The following SCLT1 variants were observed in gnomAD, a reference collection of about 807,000 sequenced individuals.
SCLT1 encodes sodium channel-associated protein 1.
SCLT1 carries 78 observed loss-of-function variants against 112.8 expected under a neutral mutation model. The ratio of observed to expected loss-of-function variants is 0.69; its 90% CI spans 0.58 to 0.83. The LOEUF (loss-of-function observed/expected upper bound fraction) is 0.83, where lower values mean the gene tolerates loss of function less well. Among genes scored for constraint, SCLT1 ranks in the 40% least tolerant of loss-of-function variants. SCLT1 has a pLI of 0.00. For missense variants in SCLT1, 747 were observed against 770.4 expected (o/e 0.97, Z 0.36); for synonymous variants, 257 against 254.7 (o/e 1.01, Z -0.09).
intron 20 of SCLT1, among the ~76,000 whole-genome samples, chr4:128,887,337 G>A (rs1484536800): frequency 6.6e-6 from 1 of 152,026 alleles, no homozygotes; most frequent in Non-Finnish European, 1.5e-5. Context: ...AAGAGGGAGA[G>A]TAACAGAAGG....
chr4:129,027,380 T>G (rs1170519203), intron 5 of SCLT1, among the ~76,000 whole-genome samples: 3 of 152,238 alleles, frequency 2.0e-5, no homozygotes, highest in African/African-American at 7.2e-5. Context: ...ATCCCTGGGA[T>G]GCAAAGCTGG....
chr4:129,008,933 TGTTA>T (rs1744269497), intron 5 of SCLT1, among the ~76,000 whole-genome samples: 1 of 152,234 alleles, frequency 6.6e-6, no homozygotes, highest in East Asian at 1.9e-4. Flanking sequence ...TCTGTTTCTC[TGTTA>T]GTTTGCTAAG....
chr4:128,962,809 C>T (rs1253899952), intron 11 of SCLT1, among the ~76,000 whole-genome samples: 5 of 150,714 alleles, frequency 3.3e-5, no homozygotes, highest in African/African-American at 1.2e-4. Context: ...TTATCTGGTA[C>T]ATTTGGTCTT....
rs762459025 is a variant in SCLT1 at position 129,013,127 on chromosome 4, C to A, written c.291-9251G>T. Among the ~76,000 whole-genome samples the A allele has an allele frequency of 8.5e-5, 13 of 152,094 alleles. No homozygotes were observed. In the East Asian group the frequency reaches 2.5e-3, roughly 29 times the overall value. On this transcript the variant is annotated intron_variant, in intron 5 of 20. Transcript: ENST00000281142. Reference sequence around the variant, plus strand: ...GTATCCAGTAGTTATCTTTTCTGCTCCTCTCCCTCCTCCCACCCTCTCCTT... The same window carrying A: ...GTATCCAGTAGTTATCTTTTCTGCTACTCTCCCTCCTCCCACCCTCTCCTT...
At chr4:128,916,856 C>T (rs561983753) in intron 18 of SCLT1, among the ~76,000 whole-genome samples, 7 of 152,138 alleles carry the variant, frequency 4.6e-5, no homozygotes, top group Non-Finnish European at 8.8e-5. Flanking sequence ...AATGTCTTGA[C>T]TTAGTTCTGA....
intron 2 of SCLT1, among the ~76,000 whole-genome samples, chr4:129,063,351 C>T (rs1665435979): frequency 6.6e-6 from 1 of 152,238 alleles, no homozygotes; most frequent in Admixed American, 6.5e-5. Context: ...GTACCCACTC[C>T]ATACCTTCAG....
intron 18 of SCLT1, among the ~76,000 whole-genome samples, chr4:128,917,238 A>G (rs1735550601): frequency 6.6e-6 from 1 of 152,224 alleles, no homozygotes; most frequent in Non-Finnish European, 1.5e-5. Context: ...AACTGTGAGC[A>G]TAACAAACTG....
chr4:129,072,028 C>T (rs954474256), intron 2 of SCLT1, among the ~76,000 whole-genome samples: 2 of 152,098 alleles, frequency 1.3e-5, no homozygotes, highest in Non-Finnish European at 2.9e-5. Flanking sequence ...TGAATTTGCT[C>T]AGCATTTGTT....
rs1244826196 is a variant in SCLT1, at chr4:128,976,859, T to C, written c.687-6391A>G. Among the ~76,000 whole-genome samples, 3 of 152,124 alleles carry C rather than the reference T, an allele frequency of 2.0e-5. No individual in the cohort carries two copies. In the East Asian group the frequency reaches 5.8e-4, roughly 29 times the overall value. On this transcript the variant is annotated intron_variant, in intron 9 of 20. Transcript: ENST00000281142. ...TAAAGGTAGGTAAGTGTAGGGCTTA[T>C]TTAGGGAAGATGAGAAATAAGACTG...
At chr4:128,955,190 AAC>A (rs1298178586) in intron 13 of SCLT1, among the ~76,000 whole-genome samples, 15 of 152,218 alleles carry the variant, frequency 9.9e-5, no homozygotes, top group Non-Finnish European at 2.2e-4. Flanking sequence ...CATGTGAGGA[AAC>A]ACACATTTCA....
At chr4:128,874,629 G>A (rs1732439198) in intron 4 of SCLT1, 1 of 152,588 alleles carries the variant, frequency 6.6e-6, no homozygotes, top group African/African-American at 2.4e-5. Flanking sequence ...AGCTTTGTGA[G>A]TTAGTTTCAT....
chr4:129,035,490 C>T (rs746281092), intron 5 of SCLT1, among the ~76,000 whole-genome samples: 3 of 152,004 alleles, frequency 2.0e-5, no homozygotes, highest in Non-Finnish European at 4.4e-5. Context: ...CTCATCTTCC[C>T]TGAGCACATT....
intron 14 of SCLT1, among the ~76,000 whole-genome samples, chr4:128,950,472 C>G (rs1738628517): frequency 6.6e-6 from 1 of 152,116 alleles, no homozygotes; most frequent in Admixed American, 6.5e-5. Flanking sequence ...CTAAAGCAAA[C>G]ATTAAAAATT....
chr4:128,986,098 T>C (rs1409783866), intron 9 of SCLT1, among the ~76,000 whole-genome samples: 1 of 152,128 alleles, frequency 6.6e-6, no homozygotes, highest in Non-Finnish European at 1.5e-5. Flanking sequence ...GGAAAGACAG[T>C]TTTTCATTAC....
chr4:128,925,685 T>C (rs1313560315), intron 18 of SCLT1, among the ~76,000 whole-genome samples: 1 of 152,126 alleles, frequency 6.6e-6, no homozygotes, highest in East Asian at 1.9e-4. Context: ...CAGTTGTATG[T>C]ATTTTATACT....
intron 11 of SCLT1, among the ~76,000 whole-genome samples, chr4:128,964,310 CAA>C (rs757408548): frequency 7.9e-5 from 12 of 152,114 alleles, no homozygotes; most frequent in Non-Finnish European, 1.8e-4. Flanking sequence ...TTGTCTCACT[CAA>C]AAAGCCAATA....
chr4:128,927,993 A>G (rs1736436340), intron 18 of SCLT1, among the ~76,000 whole-genome samples: 1 of 152,072 alleles, frequency 6.6e-6, no homozygotes, highest in Non-Finnish European at 1.5e-5. Flanking sequence ...AAAAATTTAG[A>G]AGAAATTGAC....
chr4:128,938,939 G>A (rs531459082), intron 17 of SCLT1, among the ~76,000 whole-genome samples: 6 of 152,240 alleles, frequency 3.9e-5, no homozygotes, highest in South Asian at 2.1e-4. Flanking sequence ...CCAAGATCAC[G>A]CCATTGCACT....
At chr4:128,979,332 C>T (rs1741447997) in intron 9 of SCLT1, among the ~76,000 whole-genome samples, 1 of 151,988 alleles carries the variant, frequency 6.6e-6, no homozygotes, top group South Asian at 2.1e-4. Flanking sequence ...CAGGTGGGGC[C>T]TTTTGGGAGG....
Sources: allele counts gnomAD v4.1 joint callset (sites outside exome capture counted in the v4.1 genomes callset), GRCh38; gene constraint gnomAD v4.1.1; transcripts MANE v1.5; gene names NCBI Gene and HGNC (gene_info 2026-07-23, HGNC 2026-07-21).